Variants in TSPAN2 observed in about 807,000 individuals in gnomAD.
TSPAN2 encodes the protein tetraspanin 2.
Under a neutral mutation model 33.3 loss-of-function variants are expected in TSPAN2, and 24 were observed. That is an observed-to-expected ratio of 0.72 (90% CI 0.52 to 1.01). The LOEUF (loss-of-function observed/expected upper bound fraction) is 1.01, where lower values mean the gene tolerates loss of function less well. TSPAN2 is among the 50% of genes least tolerant of loss of function. The pLI is 0.00. For missense variants in TSPAN2, 278 were observed against 281.3 expected (o/e 0.99, Z 0.08); for synonymous variants, 114 against 104.5 (o/e 1.09, Z -0.56).
intron 1 of TSPAN2, 82 bp downstream of exon 1, chr1:115,089,282 C>T: frequency 7.8e-7 from 1 of 1,286,020 alleles, no homozygotes; most frequent in Non-Finnish European, 1.1e-6. Context: ...TCGGACGCCG[C>T]AGTCAGCAGC....
At chr1:115,055,328 ATTT>A (rs11448025) in intron 6 of TSPAN2, among the ~76,000 whole-genome samples, 1 of 149,164 alleles carries the variant, frequency 6.7e-6, no homozygotes, top group East Asian at 2.0e-4. Flanking sequence ...TGGAAAAGAG[ATTT>A]TTTTTTTTTT....
At chr1:115,085,813 C>T (rs1190545601) in intron 1 of TSPAN2, among the ~76,000 whole-genome samples, 1 of 152,134 alleles carries the variant, frequency 6.6e-6, no homozygotes, top group African/African-American at 2.4e-5. Context: ...GCTCTAGTTG[C>T]TGCCTCCACC....
intron 2 of TSPAN2, among the ~76,000 whole-genome samples, chr1:115,063,738 A>G (rs1477192378): frequency 6.6e-6 from 1 of 152,226 alleles, no homozygotes; most frequent in African/African-American, 2.4e-5. Flanking sequence ...AAAAAGAACA[A>G]AATCATGCCC....
chr1:115,054,645 GA>G (rs147989236), intron 6 of TSPAN2, among the ~76,000 whole-genome samples: 2,738 of 152,226 alleles, frequency 0.018, 81 homozygotes, highest in African/African-American at 0.062. Context: ...GCACACTCCT[GA>G]CTCCTTTTTC....
chr1:115,058,835 C>A, intron 5 of TSPAN2, 48 bp downstream of exon 5: 1 of 1,453,314 alleles, frequency 6.9e-7, no homozygotes, highest in Non-Finnish European at 9.7e-7. Context: ...CTGGCTCACA[C>A]ATAATCTTTA....
At chr1:115,062,453 A>C (rs960733564) in intron 2 of TSPAN2, among the ~76,000 whole-genome samples, 1 of 152,198 alleles carries the variant, frequency 6.6e-6, no homozygotes, top group African/African-American at 2.4e-5. Flanking sequence ...AAAAATAGCC[A>C]TGAGCCTCAA....
At position 115,050,520 on chromosome 1, in the gene TSPAN2, A is replaced by G; in HGVS notation, c.636T>C (p.Cys212=). ...FGMIFSMVLC[C]AIRNSRDVI ...TCACATCTCGTGAGTTTCGTATCGC[A>G]CAGCAGAGGACCATGCTGAATATCA... Residue 212 remains cysteine (C), a synonymous_variant, in exon 8 of 8, where the codon TGT becomes TGC. Transcript: ENST00000369516. The G allele has an allele frequency of 6.2e-7, 1 of 1,614,052 alleles. No homozygotes were observed. The highest frequency in any genetic ancestry group is 8.5e-7 in the Non-Finnish European group (1 of 1,179,984).
At chr1:115,070,933 A>G (rs1481504264) in intron 2 of TSPAN2, among the ~76,000 whole-genome samples, 2 of 152,212 alleles carry the variant, frequency 1.3e-5, no homozygotes, top group African/African-American at 2.4e-5. Flanking sequence ...CAGGACTGTG[A>G]ATGCTGGCCA....
chr1:115,085,959 T>A (rs1393322602), intron 1 of TSPAN2, among the ~76,000 whole-genome samples: 1 of 151,688 alleles, frequency 6.6e-6, no homozygotes, highest in African/African-American at 2.4e-5. Context: ...GCTCTCAGAG[T>A]GTTTTAAGTT....
intron 5 of TSPAN2, among the ~76,000 whole-genome samples, chr1:115,057,893 T>A (rs1224492639): frequency 6.6e-6 from 1 of 152,218 alleles, no homozygotes; most frequent in Admixed American, 6.5e-5. Flanking sequence ...AAATTGCTAC[T>A]TTTTAGAAAG....
chr1:115,076,731 C>T (rs934998930), intron 1 of TSPAN2, among the ~76,000 whole-genome samples: 2 of 152,194 alleles, frequency 1.3e-5, no homozygotes, highest in Non-Finnish European at 2.9e-5. Flanking sequence ...TATTGAGCAA[C>T]TACTATGAGT....
At chr1:115,063,726 TA>T (rs1464494364) in intron 2 of TSPAN2, among the ~76,000 whole-genome samples, 2 of 152,092 alleles carry the variant, frequency 1.3e-5, no homozygotes, top group African/African-American at 2.4e-5. Context: ...TATGCAGCCA[TA>T]AAAAAGAACA....
At chr1:115,050,598 C>A in intron 7 of TSPAN2, 43 bp from the exon 8 acceptor site, 1 of 1,570,546 alleles carries the variant, frequency 6.4e-7, no homozygotes, top group Non-Finnish European at 8.7e-7. Flanking sequence ...GAAACGGGTA[C>A]TGATAGGTAA....
chr1:115,067,937 G>C (rs1341257827), intron 2 of TSPAN2, among the ~76,000 whole-genome samples: 4 of 152,192 alleles, frequency 2.6e-5, no homozygotes. Context: ...GAAGTCAGAT[G>C]GGCAGGTTGC....
intron 2 of TSPAN2, among the ~76,000 whole-genome samples, chr1:115,069,689 AT>A (rs1488796241): frequency 6.6e-6 from 1 of 152,214 alleles, no homozygotes; most frequent in East Asian, 1.9e-4. Flanking sequence ...GCTTTAGTCA[AT>A]TTGAGTAGGT....
At chr1:115,063,548 G>A (rs535462404) in intron 2 of TSPAN2, among the ~76,000 whole-genome samples, 1 of 152,164 alleles carries the variant, frequency 6.6e-6, no homozygotes, top group Non-Finnish European at 1.5e-5. Context: ...CACTCGACCC[G>A]GCAATCCCAT....
chr1:115,062,401 T>A (rs1647770265), intron 2 of TSPAN2, among the ~76,000 whole-genome samples, 169 bp from the exon 3 acceptor site: 2 of 152,178 alleles, frequency 1.3e-5, no homozygotes, highest in South Asian at 2.1e-4. Flanking sequence ...GGTAAAGCGA[T>A]TTGCTTAAGG....
At chr1:115,051,031 T>G (rs968014182) in intron 7 of TSPAN2, among the ~76,000 whole-genome samples, 9 of 152,186 alleles carry the variant, frequency 5.9e-5, no homozygotes, top group Non-Finnish European at 8.8e-5. Context: ...GAGTATCAGC[T>G]GGGTGCAGTG....
At chr1:115,076,277 G>A (rs1175250548) in intron 1 of TSPAN2, among the ~76,000 whole-genome samples, 1 of 152,180 alleles carries the variant, frequency 6.6e-6, no homozygotes, top group Non-Finnish European at 1.5e-5. Context: ...GTTAAGGAGA[G>A]TCTGGGGGAG....
Sources: allele counts gnomAD v4.1 joint callset (sites outside exome capture counted in the v4.1 genomes callset), GRCh38; gene constraint gnomAD v4.1.1; transcripts MANE v1.5; gene names NCBI Gene and HGNC (gene_info 2026-07-23, HGNC 2026-07-21).